NRXN1: variants seen among roughly 807,000 people sequenced by gnomAD.
The protein encoded by NRXN1 is neurexin-1.
In NRXN1, 39 loss-of-function variants were observed where a neutral mutation model predicts 150.9. The observed-to-expected ratio is 0.26, with a 90% CI of 0.20 to 0.34. NRXN1 has a LOEUF of 0.34. Ranked by LOEUF, NRXN1 falls within the 10% of genes least tolerant of loss-of-function variation. The probability of loss-of-function intolerance (pLI) is 1.00; values close to 1 mark genes in which losing one functional copy is unlikely to be tolerated. For missense variants in NRXN1, 1,815 were observed against 1,949.9 expected (o/e 0.93, Z 1.30); for synonymous variants, 924 against 757.0 (o/e 1.22, Z -3.62).
At chr2:50,953,733 T>C (rs1361719334) in intron 2 of NRXN1, among the ~76,000 whole-genome samples, 1 of 152,042 alleles carries the variant, frequency 6.6e-6, no homozygotes, top group Non-Finnish European at 1.5e-5. Context: ...GGCTAATTTT[T>C]GTATTTTAGT....
chr2:50,357,783 C>T (rs768748220), intron 17 of NRXN1, among the ~76,000 whole-genome samples: 4 of 152,174 alleles, frequency 2.6e-5, no homozygotes, highest in Non-Finnish European at 5.9e-5. Flanking sequence ...ACTGGATTCC[C>T]AGGCAAGATG....
chr2:50,861,361 C>T lies in NRXN1; in HGVS notation c.832+60508G>A, dbSNP rs375858765. On this transcript the variant is annotated intron_variant, in intron 5 of 22. Coordinates refer to ENST00000401669, the MANE Select transcript of NRXN1 (RefSeq NM_001330078.2). ...CCAAAGTATTGGGATTACAGGCATG[C>T]GCCACCACACCCAGCTGCCGTACTT... Among the ~76,000 whole-genome samples, 38 of 152,090 alleles carry T rather than the reference C, an allele frequency of 2.5e-4. No individual in the cohort carries two copies. The East Asian group carries it at 3.5e-3, about 14-fold the overall frequency.
intron 16 of NRXN1, among the ~76,000 whole-genome samples, chr2:50,470,276 G>C (rs766090376): frequency 1.2e-4 from 18 of 151,548 alleles, no homozygotes; most frequent in Non-Finnish European, 2.4e-4. Flanking sequence ...TCCACTAATG[G>C]GAATTGATCC....
intron 12 of NRXN1, among the ~76,000 whole-genome samples, chr2:50,514,215 G>C (rs1382680104): frequency 6.6e-6 from 1 of 152,064 alleles, no homozygotes; most frequent in Non-Finnish European, 1.5e-5. Flanking sequence ...GGACAGGCAG[G>C]AATTTTTTAA....
chr2:50,402,855 T>A (rs2082487030), intron 17 of NRXN1, among the ~76,000 whole-genome samples: 1 of 151,966 alleles, frequency 6.6e-6, no homozygotes, highest in Non-Finnish European at 1.5e-5. Flanking sequence ...CAATTAGTAA[T>A]AATAATAAAT....
At chr2:50,550,579 G>A (rs1253509677) in intron 9 of NRXN1, among the ~76,000 whole-genome samples, 1 of 151,632 alleles carries the variant, frequency 6.6e-6, no homozygotes, top group African/African-American at 2.4e-5. Flanking sequence ...GCTATCTCTG[G>A]CAGAGATAGG....
intron 17 of NRXN1, among the ~76,000 whole-genome samples, chr2:50,434,031 G>A (rs906775885): frequency 4.8e-5 from 7 of 145,174 alleles, no homozygotes; most frequent in Admixed American, 1.4e-4. Context: ...CCTTGCTTCC[G>A]GTATCTAAGC....
intron 5 of NRXN1, among the ~76,000 whole-genome samples, chr2:50,640,683 T>C (rs965192421): frequency 1.3e-5 from 2 of 152,178 alleles, no homozygotes; most frequent in African/African-American, 2.4e-5. Flanking sequence ...GGAAATATCA[T>C]CTGAGAGTAA....
At chr2:50,961,507 C>T (rs1305310886) in intron 2 of NRXN1, among the ~76,000 whole-genome samples, 1 of 151,622 alleles carries the variant, frequency 6.6e-6, no homozygotes, top group Non-Finnish European at 1.5e-5. Context: ...ACAACAACAA[C>T]AACAAAAAAC....
At chr2:50,329,930 C>G (rs2152983774) in intron 17 of NRXN1, among the ~76,000 whole-genome samples, 1 of 151,584 alleles carries the variant, frequency 6.6e-6, no homozygotes, top group South Asian at 2.1e-4. Flanking sequence ...CCTCGGCCTC[C>G]AAAAGTGCTG....
intron 5 of NRXN1, among the ~76,000 whole-genome samples, chr2:50,674,309 A>G (rs1214450052): frequency 6.6e-6 from 1 of 152,120 alleles, no homozygotes; most frequent in Non-Finnish European, 1.5e-5. Context: ...ACTAACAAAC[A>G]AAAACTCCAA....
intron 5 of NRXN1, among the ~76,000 whole-genome samples, chr2:50,683,646 A>AAAAAAAAAATATATAT: frequency 0.032 from 481 of 14,802 alleles, 64 homozygotes; most frequent in South Asian, 0.073. Context: ...AAAAAAAAAA[A>AAAAAAAAAATATATAT]ATATATATAT....
intron 15 of NRXN1, among the ~76,000 whole-genome samples, chr2:50,491,491 T>C (rs1442344841): frequency 6.6e-6 from 1 of 152,026 alleles, no homozygotes; most frequent in Non-Finnish European, 1.5e-5. Flanking sequence ...AGGGTGAGAT[T>C]TAAGGAGGAA....
intron 8 of NRXN1, among the ~76,000 whole-genome samples, chr2:50,614,704 A>ATTAACC (rs1488698301): frequency 3.0e-5 from 4 of 133,134 alleles, no homozygotes; most frequent in Non-Finnish European, 4.7e-5. Context: ...GTAGAAGTAG[A>ATTAACC]TTAACCTATT....
rs1558524554 is a variant in NRXN1, at chr2:50,978,307, A to ATATATATAT, written c.772+49194_772+49195insATATATATA. 1.5e-4 allele frequency among the ~76,000 whole-genome samples: 12 copies of ATATATATAT among 79,268 alleles called. No individual in the cohort carries two copies. The East Asian group carries it at 1.6e-3, about 10-fold the overall frequency. 52.0% of individuals were successfully genotyped at this position (79,268 alleles called of 152,430 possible). A position where few individuals can be genotyped will look rare whatever the true frequency, so the allele number is the denominator to read the frequency against. On this transcript the variant is annotated intron_variant, in intron 2 of 22. Transcript: ENST00000401669. ...ATATATATATATATATATATATATA[A>ATATATATAT]AATATATATATTATAGATAGATTTG...
At chr2:50,884,791 T>C (rs1002740313) in intron 5 of NRXN1, among the ~76,000 whole-genome samples, 2 of 151,488 alleles carry the variant, frequency 1.3e-5, no homozygotes, top group East Asian at 2.0e-4. Flanking sequence ...TATTGTTTAA[T>C]GGAGTTTACC....
intron 18 of NRXN1, among the ~76,000 whole-genome samples, chr2:50,173,048 T>C (rs2060127496): frequency 6.6e-6 from 1 of 152,206 alleles, no homozygotes; most frequent in African/African-American, 2.4e-5. Flanking sequence ...ATACGCGCAA[T>C]CTATATTTCT....
At chr2:50,961,025 C>T (rs1044261126) in intron 2 of NRXN1, among the ~76,000 whole-genome samples, 1 of 151,980 alleles carries the variant, frequency 6.6e-6, no homozygotes, top group Non-Finnish European at 1.5e-5. Flanking sequence ...AATTAGGTAA[C>T]ATTTGGAACA....
At chr2:50,014,101 T>G (rs886797458) in intron 21 of NRXN1, among the ~76,000 whole-genome samples, 2 of 151,724 alleles carry the variant, frequency 1.3e-5, no homozygotes, top group African/African-American at 2.4e-5. Context: ...GCTTGTTTTT[T>G]TTTTGTTTTT....
Sources: allele counts gnomAD v4.1 joint callset (sites outside exome capture counted in the v4.1 genomes callset), GRCh38; gene constraint gnomAD v4.1.1; transcripts MANE v1.5; gene names NCBI Gene and HGNC (gene_info 2026-07-23, HGNC 2026-07-21).